The following ARMH3 variants were observed in gnomAD, a reference collection of about 807,000 sequenced individuals.
ARMH3 encodes the protein armadillo like helical domain containing 3.
In ARMH3, 60 loss-of-function variants were observed where a neutral mutation model predicts 99.1. The ratio of observed to expected loss-of-function variants is 0.61; its 90% CI spans 0.49 to 0.75. The LOEUF (loss-of-function observed/expected upper bound fraction) is 0.75. Ranked by LOEUF, ARMH3 falls within the 30% of genes least tolerant of loss-of-function variation. ARMH3 has a pLI of 0.00. For missense variants in ARMH3, 679 were observed against 843.1 expected (o/e 0.81, Z 2.41); for synonymous variants, 285 against 292.8 (o/e 0.97, Z 0.27).
chr10:101,978,867 G>C (rs1846118394), intron 19 of ARMH3, among the ~76,000 whole-genome samples: 1 of 151,998 alleles, frequency 6.6e-6, no homozygotes, highest in South Asian at 2.1e-4. Flanking sequence ...TTGAACCCGG[G>C]AGGTCGAAGT....
intron 24 of ARMH3, among the ~76,000 whole-genome samples, chr10:101,875,134 AG>A (rs1159239608): frequency 2.0e-5 from 3 of 152,212 alleles, no homozygotes; most frequent in Non-Finnish European, 4.4e-5. Flanking sequence ...GATACTTAGA[AG>A]CTGAGAATTC....
intron 24 of ARMH3, among the ~76,000 whole-genome samples, chr10:101,862,244 A>C (rs377429476): frequency 6.6e-6 from 1 of 152,158 alleles, no homozygotes. Context: ...ATACTATTAC[A>C]AGGTTTTCAC....
chr10:102,049,450 G>A (rs916492149), intron 1 of ARMH3, among the ~76,000 whole-genome samples: 3 of 152,004 alleles, frequency 2.0e-5, no homozygotes, highest in African/African-American at 4.8e-5. Context: ...GCTGAGGCAG[G>A]AGAATTGCTT....
intron 19 of ARMH3, among the ~76,000 whole-genome samples, chr10:101,980,139 T>TTTCA (rs528448901): frequency 5.9e-5 from 9 of 152,326 alleles, no homozygotes; most frequent in Admixed American, 5.9e-4. Context: ...GACCTACCCT[T>TTTCA]TTCATTCATT....
At chr10:102,007,347 A>C (rs536082055) in intron 13 of ARMH3, among the ~76,000 whole-genome samples, 1 of 151,432 alleles carries the variant, frequency 6.6e-6, no homozygotes, top group African/African-American at 2.4e-5. Flanking sequence ...AAAAAAAAAA[A>C]AAAAAACTGG....
At chr10:101,905,278 T>G (rs1322404019) in intron 23 of ARMH3, among the ~76,000 whole-genome samples, 2 of 152,202 alleles carry the variant, frequency 1.3e-5, no homozygotes, top group East Asian at 3.8e-4. Flanking sequence ...AATCATTCAT[T>G]CTGCTATCCA....
chr10:102,003,185 CAG>C (rs1429473251), intron 14 of ARMH3, among the ~76,000 whole-genome samples: 1 of 151,448 alleles, frequency 6.6e-6, no homozygotes, highest in Admixed American at 6.6e-5. Flanking sequence ...TTTTTTGAGA[CAG>C]AGTCTCGCTC....
chr10:101,939,362 A>G (rs1844133538), intron 23 of ARMH3, among the ~76,000 whole-genome samples: 1 of 152,184 alleles, frequency 6.6e-6, no homozygotes, highest in African/African-American at 2.4e-5. Flanking sequence ...CATGCCTGAC[A>G]CAACTTTATG....
intron 23 of ARMH3, among the ~76,000 whole-genome samples, chr10:101,915,641 A>G (rs1843046983): frequency 1.3e-5 from 2 of 152,100 alleles, no homozygotes; most frequent in Non-Finnish European, 1.5e-5. Flanking sequence ...TTTAGCATTC[A>G]TGGTTCACCT....
intron 13 of ARMH3, among the ~76,000 whole-genome samples, chr10:102,007,314 T>C (rs1198450333): frequency 1.3e-5 from 2 of 151,270 alleles, no homozygotes; most frequent in Admixed American, 6.6e-5. Flanking sequence ...TACATAAGTT[T>C]TTCTGTGGCA....
intron 2 of ARMH3, among the ~76,000 whole-genome samples, chr10:102,036,524 T>C (rs965368446): frequency 6.6e-6 from 1 of 152,190 alleles, no homozygotes; most frequent in African/African-American, 2.4e-5. Context: ...TTTTGTTCTG[T>C]ACTGGGAGGG....
intron 23 of ARMH3, among the ~76,000 whole-genome samples, chr10:101,902,731 C>CTGCT (rs1316444106): frequency 5.3e-5 from 8 of 152,124 alleles, no homozygotes; most frequent in African/African-American, 1.9e-4. Flanking sequence ...AACTAGATGA[C>CTGCT]TGCTACTCAG....
intron 15 of ARMH3, among the ~76,000 whole-genome samples, chr10:101,997,940 A>AG: frequency 6.6e-6 from 1 of 152,284 alleles, no homozygotes; most frequent in Non-Finnish European, 1.5e-5. Flanking sequence ...GGCATGCAGC[A>AG]GGGGCTGAGG....
chr10:101,990,571 C>T lies in ARMH3; in HGVS notation c.1386G>A (p.Glu462=). ...VEFIVTHMMK[E]FPMDLYIRCI... ...CTTACATATAGAGATCCATAGGAAACTCCTTCATCATGTGTGTTACAATAA... is the reference window on the plus strand; with the variant it reads ...CTTACATATAGAGATCCATAGGAAATTCCTTCATCATGTGTGTTACAATAA... The change falls in exon 19 of 26, where the codon GAG becomes GAA. Residue 462 remains glutamate (E), a synonymous_variant. Coordinates refer to ENST00000370033, the MANE Select transcript of ARMH3 (RefSeq NM_024541.3). 5 of 1,601,516 alleles carry T rather than the reference C, an allele frequency of 3.1e-6. No individual in the cohort carries two copies. The highest frequency in any genetic ancestry group is 2.6e-6 in the Non-Finnish European group (3 of 1,168,720).
At chr10:101,898,188 T>A (rs1330682150) in intron 23 of ARMH3, among the ~76,000 whole-genome samples, 70 of 142,120 alleles carry the variant, frequency 4.9e-4, no homozygotes, top group African/African-American at 8.4e-4. Flanking sequence ...AAAAAAAAAA[T>A]TTTTTTTTTT....
In ARMH3 at chr10:101,921,649, C is replaced by A. The variant is rs371814743; in HGVS notation, c.1781+18214G>T. Among the ~76,000 whole-genome samples the A allele has an allele frequency of 1.1e-4, 16 of 151,962 alleles. No homozygotes were observed. The South Asian group carries it at 3.1e-3, about 30-fold the overall frequency. On this transcript the variant is annotated intron_variant, in intron 23 of 25. Transcript: ENST00000370033. ...TACACATGATGGAATACTATTTGGC[C>A]ATAAAAAGGAATAAAATCAAGTCAT...
chr10:101,978,090 T>C (rs1846083383), intron 19 of ARMH3, among the ~76,000 whole-genome samples: 1 of 152,242 alleles, frequency 6.6e-6, no homozygotes, highest in South Asian at 2.1e-4. Context: ...AATGTTCAAC[T>C]TCATTTTTAA....
intron 1 of ARMH3, among the ~76,000 whole-genome samples, chr10:102,043,355 C>T (rs1398747931): frequency 2.6e-5 from 4 of 152,134 alleles, no homozygotes; most frequent in Non-Finnish European, 4.4e-5. Flanking sequence ...TTGAACCAGA[C>T]TATTATCTAA....
At chr10:101,932,057 C>T (rs1429406820) in intron 23 of ARMH3, among the ~76,000 whole-genome samples, 1 of 151,972 alleles carries the variant, frequency 6.6e-6, no homozygotes, top group Non-Finnish European at 1.5e-5. Context: ...AACTCAACAA[C>T]AAAACACCAA....
Sources: allele counts gnomAD v4.1 joint callset (sites outside exome capture counted in the v4.1 genomes callset), GRCh38; gene constraint gnomAD v4.1.1; transcripts MANE v1.5; gene names NCBI Gene and HGNC (gene_info 2026-07-23, HGNC 2026-07-21).